RMC1: variants seen among roughly 807,000 people sequenced by gnomAD.
RMC1 encodes regulator of MON1-CCZ1 complex.
A neutral mutation model predicts 95.5 loss-of-function variants in RMC1; 44 were observed. The observed-to-expected ratio is 0.46, with a 90% CI of 0.36 to 0.59. The LOEUF (loss-of-function observed/expected upper bound fraction) is 0.59. Ranked by LOEUF, RMC1 falls within the 20% of genes least tolerant of loss-of-function variation. The pLI is 0.00. For synonymous variants in RMC1, 320 were observed against 303.6 expected (o/e 1.05, Z -0.56); for missense variants, 705 against 819.6 (o/e 0.86, Z 1.71).
chr18:23,527,799 A>G lies in RMC1; in HGVS notation c.1194A>G (p.Leu398=), dbSNP rs747221420. The G allele has an allele frequency of 6.2e-6, 10 of 1,613,674 alleles. No homozygotes were observed. The highest frequency in any genetic ancestry group is 8.5e-6 in the Non-Finnish European group (10 of 1,179,612). The stretch of plus-strand genomic sequence containing the variant: ...GTGAACATTGTGCCTTTCCAGTGTT[A>G]AGTGAGTCAGACAGAGCATCGCTGC... ...MVILSVCSQM[L]SESDRASLPV... Residue 398 remains leucine (L), a synonymous_variant, in exon 14 of 20, where the codon TTA becomes TTG. Coordinates refer to ENST00000269221, the MANE Select transcript of RMC1 (RefSeq NM_013326.5).
rs772103682 is a variant in RMC1, at chr18:23,518,941, C to T, written c.705C>T (p.Asn235=). ...TGAGGCATCATTCTCGGACCTCCAA[C>T]AGCACAGGAGCGGAGGTGGTCCTCT... ...LFLRHHSRTS[N]STGAEVVLYH... is the part of the protein sequence containing the mutation. Residue 235 remains asparagine (N), a synonymous_variant, in exon 8 of 20, where the codon AAC becomes AAT. Transcript: ENST00000269221. The T allele has an allele frequency of 6.2e-7, 1 of 1,614,204 alleles. No homozygotes were observed. The highest frequency in any genetic ancestry group is 8.5e-7 in the Non-Finnish European group (1 of 1,180,024).
chr18:23,530,200 A>ACCTT, intron 17 of RMC1, 29 bp from the exon 18 acceptor site: 1 of 1,614,014 alleles, frequency 6.2e-7, no homozygotes, highest in Non-Finnish European at 8.5e-7. Context: ...TATCTTTCCA[A>ACCTT]CTGAAGTGGG....
intron 10 of RMC1, among the ~76,000 whole-genome samples, 174 bp from the exon 11 acceptor site, chr18:23,523,956 C>G (rs1229410399): frequency 6.6e-6 from 1 of 152,114 alleles, no homozygotes; most frequent in Non-Finnish European, 1.5e-5. Context: ...AGCTCCTTCC[C>G]CCTTCCTCCC....
At position 23,529,618 on chromosome 18, in the gene RMC1, C is replaced by T; in HGVS notation, c.1417-17C>T. On this transcript the variant is annotated splice_polypyrimidine_tract_variant and intron_variant, in intron 15 of 19. Transcript: ENST00000269221. ...CACCTCGTTGGTATTTGTAAGACCACATTTTTTTCTCCCTAGGAGATGCCT... is the reference window on the plus strand; with the variant it reads ...CACCTCGTTGGTATTTGTAAGACCATATTTTTTTCTCCCTAGGAGATGCCT... 2 of 1,610,268 alleles carry T rather than the reference C, an allele frequency of 1.2e-6. No individual in the cohort carries two copies. Among genetic ancestry groups the T allele is most frequent in the Non-Finnish European group, 1.7e-6 (2 of 1,176,568 alleles).
At chr18:23,512,166 G>A (rs753382025) in intron 5 of RMC1, among the ~76,000 whole-genome samples, 3 of 151,480 alleles carry the variant, frequency 2.0e-5, no homozygotes, top group African/African-American at 4.8e-5. Flanking sequence ...GTCTACAGGC[G>A]CCCAGCACCA....
At chr18:23,522,661 A>G (rs909564323) in intron 10 of RMC1, 2 of 152,220 alleles carry the variant, frequency 1.3e-5, no homozygotes, top group African/African-American at 2.4e-5. Flanking sequence ...GGTTCTAACC[A>G]TCTGGTCATA....
Position 23,521,374 on chromosome 18 carries a change from T to C in RMC1, c.961+1061T>C, listed in dbSNP as rs553664037. On this transcript the variant is annotated intron_variant, in intron 10 of 19. Transcript: ENST00000269221. ...ACGTTTTCTGTTTGCCTTAGCTCTGTAACGCTGAAATTAACTTTGGCTGTA... is the reference window on the plus strand; with the variant it reads ...ACGTTTTCTGTTTGCCTTAGCTCTGCAACGCTGAAATTAACTTTGGCTGTA... Among the ~76,000 whole-genome samples, 4 of 152,382 alleles carry C rather than the reference T, an allele frequency of 2.6e-5. No individual in the cohort carries two copies. The South Asian group carries it at 8.3e-4, about 32-fold the overall frequency.
At chr18:23,511,098 T>G (rs2057845704) in intron 5 of RMC1, among the ~76,000 whole-genome samples, 1 of 152,236 alleles carries the variant, frequency 6.6e-6, no homozygotes, top group African/African-American at 2.4e-5. Context: ...AGTGACAGAT[T>G]GGATAAAGAA....
At chr18:23,520,965 A>T (rs1567925196) in intron 10 of RMC1, among the ~76,000 whole-genome samples, 1 of 151,810 alleles carries the variant, frequency 6.6e-6, no homozygotes, top group Non-Finnish European at 1.5e-5. Flanking sequence ...TGATCTGCCC[A>T]CCTTGGCCTC....
intron 2 of RMC1, chr18:23,506,292 A>G (rs2057715242): frequency 6.6e-6 from 1 of 152,174 alleles, no homozygotes; most frequent in African/African-American, 2.4e-5. Context: ...TGAAACCATC[A>G]CCACAATCAA....
intron 10 of RMC1, chr18:23,522,591 A>G (rs2145226900): frequency 6.6e-6 from 1 of 152,470 alleles, no homozygotes; most frequent in Middle Eastern, 3.4e-3. Flanking sequence ...AACATTGGAC[A>G]CCCCTGGCTT....
chr18:23,529,381 T>TA, intron 15 of RMC1, 83 bp downstream of exon 15: 1 of 1,520,196 alleles, frequency 6.6e-7, no homozygotes, highest in Non-Finnish European at 8.8e-7. Flanking sequence ...TTCATGTGAT[T>TA]AGAGTCACTT....
intron 7 of RMC1, among the ~76,000 whole-genome samples, chr18:23,516,782 G>C (rs1484270994): frequency 6.7e-6 from 1 of 149,878 alleles, no homozygotes; most frequent in Non-Finnish European, 1.5e-5. Context: ...CTGGAGTGCA[G>C]TGGTGCAGTG....
chr18:23,527,376 C>T (rs953437517), intron 13 of RMC1, among the ~76,000 whole-genome samples: 3 of 151,740 alleles, frequency 2.0e-5, no homozygotes, highest in Non-Finnish European at 2.9e-5. Context: ...CCAGCCTGGG[C>T]GACAGAGCAA....
At chr18:23,508,196 C>T (rs2057761142) in intron 4 of RMC1, among the ~76,000 whole-genome samples, 155 bp downstream of exon 4, 1 of 152,148 alleles carries the variant, frequency 6.6e-6, no homozygotes, top group Non-Finnish European at 1.5e-5. Flanking sequence ...GGGGTGTTTG[C>T]TTTGTGACAC....
chr18:23,512,114 G>C (rs1042451323), intron 5 of RMC1, among the ~76,000 whole-genome samples: 1 of 150,218 alleles, frequency 6.7e-6, no homozygotes, highest in Admixed American at 6.7e-5. Flanking sequence ...TCCACCTCCT[G>C]GGTTCAAGCA....
At chr18:23,516,466 A>T in intron 7 of RMC1, 43 bp downstream of exon 7, 1 of 1,585,790 alleles carries the variant, frequency 6.3e-7, no homozygotes, top group Non-Finnish European at 8.7e-7. Context: ...GATTGCTTTC[A>T]GTAATATAAA....
chr18:23,507,792 G>T (rs913307672), intron 3 of RMC1, among the ~76,000 whole-genome samples, 193 bp from the exon 4 acceptor site: 2 of 152,204 alleles, frequency 1.3e-5, no homozygotes, highest in Non-Finnish European at 2.9e-5. Context: ...AAATTGAATC[G>T]TAAGCCTGCT....
At position 23,503,585 on chromosome 18, in the gene RMC1, C is replaced by A; in HGVS notation, c.-34C>A. On this transcript the variant is annotated 5_prime_UTR_variant, in exon 1 of 20. Coordinates refer to ENST00000269221, the MANE Select transcript of RMC1 (RefSeq NM_013326.5). ...CATCCTGCTCCACTCTGGCGACCGC[C>A]CCCGGGGCCCCCGCCGCGGGCGCGG... The A allele has an allele frequency of 6.6e-7, 1 of 1,516,316 alleles. No individual in the cohort carries two copies. Among genetic ancestry groups the A allele is most frequent in the South Asian group, 1.2e-5 (1 of 84,360 alleles). 93.9% of individuals were successfully genotyped at this position (1,516,316 alleles called of 1,614,324 possible).
Sources: gnomAD v4.1 joint callset for allele counts (sites outside exome capture counted in the v4.1 genomes callset) on GRCh38, gnomAD v4.1.1 for gene constraint, MANE v1.5 for transcripts, NCBI Gene and HGNC (gene_info 2026-07-23, HGNC 2026-07-21) for gene names.